The following AGBL1 variants were observed in gnomAD, a reference collection of about 807,000 sequenced individuals.
AGBL1 encodes cytosolic carboxypeptidase 4.
Under a neutral mutation model 118.9 loss-of-function variants are expected in AGBL1, and 130 were observed. The ratio of observed to expected loss-of-function variants is 1.09; its 90% CI spans 0.95 to 1.26. The LOEUF is 1.26. Ranked by LOEUF, AGBL1 falls within the 50% of genes most tolerant of loss-of-function variation. The pLI is 0.00. For missense variants in AGBL1, 1,584 were observed against 1,298.1 expected, an observed-to-expected ratio of 1.22 and a Z score of -3.38; for synonymous variants, 555 against 478.9, an observed-to-expected ratio of 1.16 and a Z score of -2.08.
intron 18 of AGBL1, among the ~76,000 whole-genome samples, chr15:86,512,248 A>C (rs767805936): frequency 6.6e-6 from 1 of 151,882 alleles, no homozygotes; most frequent in Non-Finnish European, 1.5e-5. Context: ...GAAAATGTCC[A>C]TATCTTTCTG....
At chr15:86,115,263 T>C (rs1897682896) in intron 1 of AGBL1, among the ~76,000 whole-genome samples, 1 of 152,204 alleles carries the variant, frequency 6.6e-6, no homozygotes, top group Non-Finnish European at 1.5e-5. Flanking sequence ...ATTGTGACTG[T>C]GAAGATGAAA....
At chr15:86,176,788 C>T (rs1439930776) in intron 5 of AGBL1, among the ~76,000 whole-genome samples, 1 of 152,148 alleles carries the variant, frequency 6.6e-6, no homozygotes, top group Non-Finnish European at 1.5e-5. Context: ...ATGGTATGAA[C>T]TCTAGGCAGC....
chr15:86,381,048 C>G (rs1404325883), intron 17 of AGBL1, among the ~76,000 whole-genome samples: 1 of 152,060 alleles, frequency 6.6e-6, no homozygotes, highest in African/African-American at 2.4e-5. Context: ...CCTTTTTAGG[C>G]CTGAGGTACT....
At chr15:86,740,524 G>A (rs1437810737) in intron 22 of AGBL1, among the ~76,000 whole-genome samples, 2 of 152,196 alleles carry the variant, frequency 1.3e-5, no homozygotes, top group African/African-American at 4.8e-5. Context: ...AATTGTCCCT[G>A]ATTTTAAGGA....
intron 22 of AGBL1, among the ~76,000 whole-genome samples, chr15:86,742,573 A>G (rs982813731): frequency 3.9e-5 from 6 of 152,006 alleles, no homozygotes; most frequent in Middle Eastern, 3.2e-3. Context: ...GTTTGTCCCT[A>G]TGTTCTGCCT....
At chr15:86,522,119 T>C (rs757052890) in intron 18 of AGBL1, among the ~76,000 whole-genome samples, 5 of 152,170 alleles carry the variant, frequency 3.3e-5, no homozygotes, top group Non-Finnish European at 5.9e-5. Flanking sequence ...AGTAACTTGG[T>C]ACTTTTGAAT....
chr15:87,004,192 C>T (rs2081472215), intron 24 of AGBL1, among the ~76,000 whole-genome samples: 1 of 152,138 alleles, frequency 6.6e-6, no homozygotes, highest in Non-Finnish European at 1.5e-5. Flanking sequence ...TTTCAAAGAA[C>T]ATCTTTATTT....
At chr15:86,235,972 A>T (rs2078535034) in intron 6 of AGBL1, among the ~76,000 whole-genome samples, 1 of 152,240 alleles carries the variant, frequency 6.6e-6, no homozygotes, top group East Asian at 1.9e-4. Context: ...AGTGTTCTAT[A>T]CAGAGGACAC....
intron 1 of AGBL1, among the ~76,000 whole-genome samples, chr15:86,099,053 A>G (rs1266161835): frequency 6.6e-6 from 1 of 152,082 alleles, no homozygotes; most frequent in East Asian, 1.9e-4. Context: ...TACGCAACAT[A>G]TCAAAATCTA....
intron 21 of AGBL1, among the ~76,000 whole-genome samples, chr15:86,587,928 A>G (rs547365611): frequency 1.3e-5 from 2 of 152,306 alleles, no homozygotes; most frequent in South Asian, 2.1e-4. Context: ...ACGACTCACT[A>G]TGAACCCAGA....
intron 22 of AGBL1, among the ~76,000 whole-genome samples, chr15:86,783,894 G>T (rs2141314868): frequency 6.6e-6 from 1 of 152,304 alleles, no homozygotes; most frequent in South Asian, 2.1e-4. Flanking sequence ...GCCTCCCAAA[G>T]TGCTGGGATT....
At chr15:86,367,473 C>A (rs2080906381) in intron 17 of AGBL1, among the ~76,000 whole-genome samples, 1 of 151,924 alleles carries the variant, frequency 6.6e-6, no homozygotes, top group Admixed American at 6.6e-5. Flanking sequence ...CTGCTGGGGG[C>A]AGGGTGGTGG....
chr15:86,132,072 A>C (rs547257711), intron 1 of AGBL1, among the ~76,000 whole-genome samples: 1 of 152,166 alleles, frequency 6.6e-6, no homozygotes. Context: ...TGGGGTAGGG[A>C]AGACCATTAC....
intron 1 of AGBL1, among the ~76,000 whole-genome samples, chr15:86,129,311 T>C (rs1157733546): frequency 6.6e-6 from 1 of 152,148 alleles, no homozygotes; most frequent in African/African-American, 2.4e-5. Context: ...ATCTGACTGG[T>C]CTTGTATCTG....
rs574460212 is a variant in AGBL1, at chr15:86,264,693, T to G, written c.1522T>G (p.Phe508Val). ...LLQTHLKRVP[F>V]HDPYLYMAKA... ...GCAGACACATCTGAAGCGTGTCCCT[T>G]TCCACGATCCCTATCTTTATATGGC... is the stretch of plus-strand genomic sequence containing the variant. Residue 508 changes from phenylalanine to valine, a missense_variant, in exon 11 of 23, where the codon TTC becomes GTC. Transcript: ENST00000614907. 6.2e-7 allele frequency: 1 copy of G among 1,614,040 alleles called. No homozygotes were observed. The highest frequency in any genetic ancestry group is 8.5e-7 in the Non-Finnish European group (1 of 1,179,906).
chr15:86,858,151 A>T (rs2079509482), intron 22 of AGBL1, among the ~76,000 whole-genome samples: 1 of 152,146 alleles, frequency 6.6e-6, no homozygotes, highest in Non-Finnish European at 1.5e-5. Context: ...CAGATTCAAC[A>T]TACACCTCCT....
At position 86,737,794 on chromosome 15, in the gene AGBL1, T is replaced by C. The variant is rs184979682; in HGVS notation, c.3158+63358T>C. Among the ~76,000 whole-genome samples the C allele has an allele frequency of 1.2e-4, 19 of 152,304 alleles. No homozygotes were observed. The East Asian group carries it at 3.7e-3, about 29-fold the overall frequency. ...TTTCACTTTATTATTAATGAAAACA[T>C]TTGTCAAAAGCATTTGGTGTAAATG... On this transcript the variant is annotated intron_variant, in intron 22 of 22. Coordinates refer to ENST00000614907, the MANE Select transcript of AGBL1 (RefSeq NM_001386094.1).
At chr15:86,709,765 T>C (rs1305021334) in intron 22 of AGBL1, among the ~76,000 whole-genome samples, 1 of 152,182 alleles carries the variant, frequency 6.6e-6, no homozygotes, top group Non-Finnish European at 1.5e-5. Context: ...CTCCATCTAC[T>C]TTGTCCTTTT....
intron 21 of AGBL1, among the ~76,000 whole-genome samples, chr15:86,674,012 C>T (rs2085791993): frequency 6.6e-6 from 1 of 152,216 alleles, no homozygotes; most frequent in Non-Finnish European, 1.5e-5. Context: ...CATATATCCC[C>T]CTTTCCCTTT....
Sources: allele counts gnomAD v4.1 joint callset (sites outside exome capture counted in the v4.1 genomes callset), GRCh38; gene constraint gnomAD v4.1.1; transcripts MANE v1.5; gene names NCBI Gene and HGNC (gene_info 2026-07-23, HGNC 2026-07-21).